The following AFF2 variants were observed in gnomAD, a reference collection of about 807,000 sequenced individuals.
AFF2 encodes ALF transcription elongation factor 2.
Under a neutral mutation model 76.9 loss-of-function variants are expected in AFF2, and 14 were observed. That is an observed-to-expected ratio of 0.18 (90% CI 0.12 to 0.28). The LOEUF is 0.28. Ranked by LOEUF, AFF2 falls within the 10% of genes least tolerant of loss-of-function variation. AFF2 has a pLI of 1.00. For missense variants in AFF2, 868 were observed against 1,001.1 expected (o/e 0.87, Z 1.79); for synonymous variants, 398 against 366.7 (o/e 1.09, Z -0.98).
intron 13 of AFF2, 102 bp from the exon 14 acceptor site, chrX:148,966,688 T>G (rs2072178686): frequency 1.8e-6 from 2 of 1,130,485 alleles, no homozygotes; most frequent in East Asian, 6.0e-5. Flanking sequence ...TTTTTTTTTT[T>G]TTTTGCCTTC....
At chrX:148,532,523 C>A (rs1041637450) in intron 1 of AFF2, among the ~76,000 whole-genome samples, 7 of 112,228 alleles carry the variant, frequency 6.2e-5, no homozygotes, top group African/African-American at 1.9e-4. Context: ...TCAGAAAAAA[C>A]AGTTTCTGTC....
At chrX:148,510,375 TG>T (rs1304738812) in intron 1 of AFF2, among the ~76,000 whole-genome samples, 16 of 111,767 alleles carry the variant, frequency 1.4e-4, no homozygotes, top group African/African-American at 4.9e-4. Context: ...TTCAGCGACT[TG>T]CCCAAGGCCA....
At chrX:148,897,232 T>C (rs1247170466) in intron 8 of AFF2, among the ~76,000 whole-genome samples, 1 of 16,797 alleles carries the variant, frequency 6.0e-5, no homozygotes, top group South Asian at 3.3e-3. Context: ...TATATATATA[T>C]ATATATATAT....
chrX:148,992,262 T>G lies in AFF2; in HGVS notation c.*930T>G, dbSNP rs1294671074. On this transcript the variant is annotated 3_prime_UTR_variant, in exon 21 of 21. Transcript: ENST00000370460. ...CTCTGCCTCCTTTGCAACAACAACA[T>G]TTACACAGTTGGTAAGTGGGTCCAT... 1 of 112,017 alleles carries G rather than the reference T, an allele frequency of 8.9e-6. No individual in the cohort carries two copies. Among genetic ancestry groups the G allele is most frequent in the Non-Finnish European group, 1.9e-5 (1 of 53,227 alleles). 9.2% of individuals were successfully genotyped at this position (112,017 alleles called of 1,213,427 possible). A position where few individuals can be genotyped will look rare whatever the true frequency, so the allele number is the denominator to read the frequency against.
At chrX:148,857,702 T>C (rs1312033390) in intron 7 of AFF2, among the ~76,000 whole-genome samples, 2 of 109,652 alleles carry the variant, frequency 1.8e-5, no homozygotes, top group Non-Finnish European at 3.8e-5. Context: ...TTATCCAAGT[T>C]AAGAGACTAC....
At chrX:148,841,110 A>G (rs2070594728) in intron 5 of AFF2, among the ~76,000 whole-genome samples, 1 of 111,752 alleles carries the variant, frequency 8.9e-6, no homozygotes, top group South Asian at 3.8e-4. Context: ...AAGGTTAAAA[A>G]TTCAGGCATA....
chrX:148,720,796 C>T (rs1039587008), intron 3 of AFF2, among the ~76,000 whole-genome samples: 1 of 112,211 alleles, frequency 8.9e-6, no homozygotes, highest in African/African-American at 3.2e-5. Context: ...TGCAATTTAT[C>T]ACTTGCTTTG....
At chrX:148,501,237 T>TG in intron 1 of AFF2, 93 bp downstream of exon 1, 1 of 1,095,971 alleles carries the variant, frequency 9.1e-7, no homozygotes, top group Non-Finnish European at 1.2e-6. Flanking sequence ...GAAGCTGTCG[T>TG]GGGGGGCGCC....
At chrX:148,798,871 A>T (rs1160621813) in intron 3 of AFF2, among the ~76,000 whole-genome samples, 2 of 111,757 alleles carry the variant, frequency 1.8e-5, no homozygotes, top group African/African-American at 3.3e-5. Context: ...CCCACATTTA[A>T]TGTCACAGAC....
intron 3 of AFF2, among the ~76,000 whole-genome samples, chrX:148,763,906 G>A (rs1406884122): frequency 8.9e-6 from 1 of 111,994 alleles, no homozygotes; most frequent in Non-Finnish European, 1.9e-5. Context: ...CAACGATAAC[G>A]TTTTCCTGGA....
At position 148,997,703 on chromosome X, in the gene AFF2, G is replaced by A. The variant is rs1480910462; in HGVS notation, c.*6371G>A. 1 of 110,592 alleles carries A rather than the reference G, an allele frequency of 9.0e-6. No individual in the cohort carries two copies. The highest frequency in any genetic ancestry group is 1.9e-5 in the Non-Finnish European group (1 of 52,457). 9.1% of individuals were successfully genotyped at this position (110,592 alleles called of 1,213,427 possible). A position where few individuals can be genotyped will look rare whatever the true frequency, so the allele number is the denominator to read the frequency against. ...GTAACATCCGGGTCTGATTTAATTGGCATTACACTTACACAGGGACTCTGA... is the reference window on the plus strand; with the variant it reads ...GTAACATCCGGGTCTGATTTAATTGACATTACACTTACACAGGGACTCTGA... On this transcript the variant is annotated 3_prime_UTR_variant, in exon 21 of 21. Transcript: ENST00000370460.
chrX:148,742,695 C>T (rs1180080220), intron 3 of AFF2, among the ~76,000 whole-genome samples: 1 of 111,621 alleles, frequency 9.0e-6, no homozygotes, highest in Non-Finnish European at 1.9e-5. Context: ...GATTTAAGAA[C>T]GATATTTGCT....
intron 3 of AFF2, among the ~76,000 whole-genome samples, chrX:148,668,887 T>C: frequency 8.9e-6 from 1 of 112,362 alleles, no homozygotes; most frequent in Middle Eastern, 4.6e-3. Flanking sequence ...CCAGCTTGAA[T>C]TTCTCCTCAG....
At chrX:148,692,775 G>C (rs907972362) in intron 3 of AFF2, among the ~76,000 whole-genome samples, 1 of 111,633 alleles carries the variant, frequency 9.0e-6, no homozygotes, top group Admixed American at 9.5e-5. Context: ...TCAGTTTCTT[G>C]AGGAAATTGA....
At chrX:148,623,880 T>C (rs1202750729) in intron 1 of AFF2, among the ~76,000 whole-genome samples, 7 of 110,689 alleles carry the variant, frequency 6.3e-5, no homozygotes, top group African/African-American at 2.3e-4. Context: ...TCTTTCAACG[T>C]GAGGTTTCAT....
At position 148,996,218 on chromosome X, in the gene AFF2, A is replaced by C. The variant is rs1006152262; in HGVS notation, c.*4886A>C. On this transcript the variant is annotated 3_prime_UTR_variant, in exon 21 of 21. Transcript: ENST00000370460. ...CTGGACAGTAAGCAAAATTGGAGAC[A>C]CTCCAACGAGGCTAAGTTAATGCCG... is the stretch of plus-strand genomic sequence containing the variant. 8.0e-5 allele frequency: 9 copies of C among 112,228 alleles called. No homozygotes were observed. Among genetic ancestry groups the C allele is most frequent in the Non-Finnish European group, 1.7e-4 (9 of 53,266 alleles). 9.2% of individuals were successfully genotyped at this position (112,228 alleles called of 1,213,427 possible).
intron 4 of AFF2, among the ~76,000 whole-genome samples, chrX:148,818,814 C>T (rs1252249065): frequency 9.0e-6 from 1 of 110,844 alleles, no homozygotes; most frequent in Non-Finnish European, 1.9e-5. Context: ...AGGTTTCAAT[C>T]TGTAGATTAT....
intron 9 of AFF2, among the ~76,000 whole-genome samples, chrX:148,920,262 G>A (rs1299582794): frequency 9.0e-6 from 1 of 111,547 alleles, no homozygotes; most frequent in African/African-American, 3.3e-5. Context: ...CATTTGGAGT[G>A]ACAAGGGGTA....
intron 1 of AFF2, among the ~76,000 whole-genome samples, chrX:148,525,313 T>C (rs1459450707): frequency 2.7e-5 from 3 of 111,650 alleles, no homozygotes; most frequent in Non-Finnish European, 5.6e-5. Flanking sequence ...CCAATGTCAA[T>C]ATTATATAGC....
Sources: allele counts gnomAD v4.1 joint callset (sites outside exome capture counted in the v4.1 genomes callset), GRCh38; gene constraint gnomAD v4.1.1; transcripts MANE v1.5; gene names NCBI Gene and HGNC (gene_info 2026-07-23, HGNC 2026-07-21).